Variants in FER1L5 observed in about 807,000 individuals in gnomAD.
The protein encoded by FER1L5 is fer-1 like family member 5, also known as fer-1-like protein 5.
A neutral mutation model predicts 279.9 loss-of-function variants in FER1L5; 187 were observed. The observed-to-expected ratio is 0.67, with a 90% CI of 0.59 to 0.75. The LOEUF (loss-of-function observed/expected upper bound fraction) is 0.75. Ranked by LOEUF, FER1L5 falls within the 30% of genes least tolerant of loss-of-function variation. The pLI, the probability that FER1L5 is intolerant of heterozygous loss-of-function variation, is 0.00. For missense variants in FER1L5, 2,091 were observed against 2,594.4 expected (o/e 0.81, Z 4.21); for synonymous variants, 921 against 989.7 (o/e 0.93, Z 1.30).
chr2:96,703,265 G>A lies in FER1L5; in HGVS notation c.5610G>A (p.Lys1870=), dbSNP rs1489128960. The change falls in exon 50 of 53, where the codon AAG becomes AAA. Residue 1870 remains lysine (K), a synonymous_variant. Coordinates refer to ENST00000624922, the MANE Select transcript of FER1L5 (RefSeq NM_001293083.2). ...AGTGGCCCTATTTCATCCAATACAA[G>A]CACTTCTCCCTCTTTAAGAAGAAGA... ...DPKWPYFIQY[K]HFSLFKKKTV... 1.2e-6 allele frequency: 2 copies of A among 1,613,828 alleles called. No individual in the cohort carries two copies. Among genetic ancestry groups the A allele is most frequent in the South Asian group, 1.1e-5 (1 of 91,092 alleles).
chr2:96,653,610 TC>T, intron 7 of FER1L5, 29 bp from the exon 8 acceptor site: 1 of 1,521,672 alleles, frequency 6.6e-7, no homozygotes, highest in Non-Finnish European at 8.9e-7. Context: ...GAAGAAATCA[TC>T]CACTCTACCC....
At chr2:96,656,361 G>A (rs1034961153) in intron 9 of FER1L5, among the ~76,000 whole-genome samples, 16 of 152,236 alleles carry the variant, frequency 1.1e-4, no homozygotes, top group African/African-American at 3.9e-4. Context: ...TCCAGGCTGG[G>A]AACGGTGGCT....
intron 31 of FER1L5, among the ~76,000 whole-genome samples, 154 bp downstream of exon 31, chr2:96,692,335 G>A (rs1408495955): frequency 6.6e-6 from 1 of 152,216 alleles, no homozygotes; most frequent in African/African-American, 2.4e-5. Context: ...TTGTCCCTGG[G>A]TCCTGGTGTC....
At chr2:96,674,641 G>T (rs2076446812) in intron 19 of FER1L5, among the ~76,000 whole-genome samples, 1 of 151,924 alleles carries the variant, frequency 6.6e-6, no homozygotes, top group Non-Finnish European at 1.5e-5. Context: ...TTAGTATTAT[G>T]AAATATTTAA....
At position 96,695,807 on chromosome 2, in the gene FER1L5, C is replaced by A; in HGVS notation, c.3960C>A (p.Phe1320Leu). The stretch of plus-strand genomic sequence containing the variant: ...TGAAGGTGGTAGACAACTGGGCCTT[C>A]GGCCAGCAGACCGTGACGGGCCAGG... ...LVVKVVDNWA[F>L]GQQTVTGQAN... is the part of the protein sequence containing the mutation. The change falls in exon 36 of 53, where the codon TTC (phenylalanine) becomes TTA (leucine). Residue 1320 changes from phenylalanine (F) to leucine (L), a missense_variant. By Grantham distance (22) the Phe-to-Leu change is conservative. Coordinates refer to ENST00000624922, the MANE Select transcript of FER1L5 (RefSeq NM_001293083.2). 1 of 1,612,840 alleles carries A rather than the reference C, an allele frequency of 6.2e-7. No homozygotes were observed. The highest frequency in any genetic ancestry group is 1.6e-4 in the Middle Eastern group (1 of 6,062).
At position 96,703,583 on chromosome 2, in the gene FER1L5, G is replaced by A. The variant is rs776307594; in HGVS notation, c.5752G>A (p.Gly1918Arg). The change falls in exon 51 of 53, where the codon GGG (glycine) becomes AGG (arginine). Residue 1918 changes from glycine to arginine, a missense_variant. Physicochemically the swap from Gly to Arg is moderately radical, Grantham distance 125. Coordinates refer to ENST00000624922, the MANE Select transcript of FER1L5 (RefSeq NM_001293083.2). ...GAAGGAAGCCTTAATCAAGCCAGCC[G>A]GGCGAGGCCAGTCGGAACCCAACCA... is the stretch of plus-strand genomic sequence containing the variant. ...SEKEALIKPA[G>R]RGQSEPNQYP... 1.1e-5 allele frequency: 17 copies of A among 1,613,818 alleles called. No individual in the cohort carries two copies. The highest frequency in any genetic ancestry group is 6.7e-5 in the East Asian group (3 of 44,886).
chr2:96,670,731 G>A (rs1485434204), intron 18 of FER1L5, among the ~76,000 whole-genome samples: 2 of 150,778 alleles, frequency 1.3e-5, no homozygotes, highest in South Asian at 2.1e-4. Context: ...GGTTGCAGTG[G>A]GCAGAGATTG....
At chr2:96,645,996 C>CT (rs34639745) in intron 1 of FER1L5, among the ~76,000 whole-genome samples, 76 of 72,688 alleles carry the variant, frequency 1.0e-3, no homozygotes, top group East Asian at 1.3e-3. Flanking sequence ...TTGAAGTTTT[C>CT]TTTTTTTTTT....
Position 96,690,549 on chromosome 2 carries a change from G to A in FER1L5, c.2703G>A (p.Lys901=). 6.4e-7 allele frequency: 1 copy of A among 1,551,676 alleles called. No individual in the cohort carries two copies. The highest frequency in any genetic ancestry group is 1.7e-4 in the Middle Eastern group (1 of 5,990). Residue 901 remains lysine (K), a synonymous_variant, in exon 27 of 53, where the codon AAG becomes AAA. Coordinates refer to ENST00000624922, the MANE Select transcript of FER1L5 (RefSeq NM_001293083.2). ...GCCCCCAAGGCTGGCACTTTAAGAAGGACTGGGTGGTGGAGCTGAACCACG... is the reference window on the plus strand; with the variant it reads ...GCCCCCAAGGCTGGCACTTTAAGAAAGACTGGGTGGTGGAGCTGAACCACG... The part of the protein sequence containing the change: ...VKCPQGWHFK[K]DWVVELNHAV...
intron 24 of FER1L5, 74 bp downstream of exon 24, chr2:96,688,021 G>C (rs2076997720): frequency 1.3e-6 from 2 of 1,525,088 alleles, no homozygotes; most frequent in East Asian, 4.9e-5. Context: ...GTAGGGAAGA[G>C]ATGGCCTCCC....
Position 96,697,780 on chromosome 2 carries a change from AT to A in FER1L5, c.4236+20del. The A allele has an allele frequency of 6.2e-7, 1 of 1,611,748 alleles. No individual in the cohort carries two copies. The highest frequency in any genetic ancestry group is 2.2e-5 in the East Asian group (1 of 44,866). On this transcript the variant is annotated intron_variant, in intron 39 of 52. Coordinates refer to ENST00000624922, the MANE Select transcript of FER1L5 (RefSeq NM_001293083.2). ...CCTCAAGGTTTGAAGGAGGGAAGAAATGGGATGGAATCAAATCTCCCACTGG... is the reference window on the plus strand; with the variant it reads ...CCTCAAGGTTTGAAGGAGGGAAGAAAGGGATGGAATCAAATCTCCCACTGG...
At position 96,694,618 on chromosome 2, in the gene FER1L5, G is replaced by C; in HGVS notation, c.3741+154G>C. 3 of 562,018 alleles carry C rather than the reference G, an allele frequency of 5.3e-6. No homozygotes were observed. The highest frequency in any genetic ancestry group is 8.9e-6 in the Non-Finnish European group (3 of 335,870). The allele number at this position is 562,018 out of a possible 1,614,324, so 34.8% of individuals were successfully genotyped here. A position where few individuals can be genotyped will look rare whatever the true frequency, so the allele number is the denominator to read the frequency against. The stretch of plus-strand genomic sequence containing the variant: ...AGGTGGAGGGAGACAGGAGAGAAAC[G>C]AAGAGGTTCTGGTGTAACACTGGAA... On this transcript the variant is annotated intron_variant, in intron 34 of 52. Transcript: ENST00000624922. This position sits in a 1 kb window ranked among gnomAD's most constrained non-coding sequence, Gnocchi z 4.6.
At chr2:96,664,029 CTT>C (rs1243789205) in intron 14 of FER1L5, among the ~76,000 whole-genome samples, 2 of 152,068 alleles carry the variant, frequency 1.3e-5, no homozygotes, top group Non-Finnish European at 2.9e-5. Context: ...TGAGCAAACA[CTT>C]CAGCTAAGTA....
chr2:96,659,394 T>G (rs1262610443), intron 9 of FER1L5, among the ~76,000 whole-genome samples: 2 of 10,412 alleles, frequency 1.9e-4, no homozygotes, highest in East Asian at 8.0e-3. Context: ...TCTTTCTTTC[T>G]TTCTTTCTTT....
In FER1L5 at chr2:96,689,376, G is replaced by C. The variant is rs1416203142; in HGVS notation, c.2525G>C (p.Arg842Thr). The C allele has an allele frequency of 1.2e-5, 19 of 1,549,298 alleles. No homozygotes were observed. Among genetic ancestry groups the C allele is most frequent in the Non-Finnish European group, 1.6e-5 (18 of 1,146,456 alleles). Reference protein sequence around the residue: ...QDSWTVEPQRRLLLDIDINKS... With the variant: ...QDSWTVEPQRTLLLDIDINKS... ...AGCTGGACAGTGGAACCTCAGAGAA[G>C]GTAAGGCCAGAGGGGGCAGGCCCCA... Residue 842 changes from arginine to threonine, a missense_variant and splice_region_variant, in exon 25 of 53, where the codon AGG (arginine) becomes ACG (threonine). Arg to Thr is a moderately conservative substitution (Grantham distance 71). Transcript: ENST00000624922. The surrounding 1 kb of genome is among the most constrained non-coding windows in gnomAD (Gnocchi z 4.6).
intron 19 of FER1L5, 145 bp downstream of exon 19, chr2:96,673,399 G>A (rs1398605943): frequency 2.7e-5 from 25 of 918,288 alleles, no homozygotes; most frequent in Non-Finnish European, 3.5e-5. Context: ...GGTTCAGGGA[G>A]GTGAAGTCAT....
intron 14 of FER1L5, among the ~76,000 whole-genome samples, chr2:96,668,525 C>A (rs1272191069): frequency 1.3e-5 from 2 of 152,084 alleles, no homozygotes; most frequent in African/African-American, 2.4e-5. Context: ...CAGAGCAGCA[C>A]CCTGTCTGAA....
At position 96,659,344 on chromosome 2, in the gene FER1L5, TCC is replaced by T. The variant is rs1373272408; in HGVS notation, c.748-996_748-995del. Among the ~76,000 whole-genome samples the T allele has an allele frequency of 5.9e-5, 5 of 84,894 alleles. 1 individual carries two copies. Among genetic ancestry groups the T allele is most frequent in the African/African-American group, 2.5e-4 (5 of 19,678 alleles). 55.7% of individuals were successfully genotyped at this position (84,894 alleles called of 152,430 possible). A position where few individuals can be genotyped will look rare whatever the true frequency, so the allele number is the denominator to read the frequency against. ...TTCCTTCCTTCCTTCCTTCCTTCCT[TCC>T]TTCCTTCCTTCCTTCCTTCTTTCTT... is the stretch of plus-strand genomic sequence containing the variant. On this transcript the variant is annotated intron_variant, in intron 9 of 52. Transcript: ENST00000624922.
intron 19 of FER1L5, among the ~76,000 whole-genome samples, chr2:96,680,626 A>T (rs1558890386): frequency 6.6e-6 from 1 of 152,032 alleles, no homozygotes; most frequent in Non-Finnish European, 1.5e-5. Context: ...TCTTTGACAC[A>T]CTGTATTTTA....
Sources: allele counts gnomAD v4.1 joint callset (sites outside exome capture counted in the v4.1 genomes callset), GRCh38; gene constraint gnomAD v4.1.1; non-coding constraint Gnocchi (gnomAD v3.1); transcripts MANE v1.5; gene names NCBI Gene and HGNC (gene_info 2026-07-23, HGNC 2026-07-21).